DNAH9: variants seen among roughly 807,000 people sequenced by gnomAD.
The protein encoded by DNAH9 is DNAH9 variant protein.
DNAH9 carries 345 observed loss-of-function variants against 471.6 expected under a neutral mutation model. The ratio of observed to expected loss-of-function variants is 0.73; its 90% CI spans 0.67 to 0.80. The LOEUF is 0.80. Among genes scored for constraint, DNAH9 ranks in the 30% least tolerant of loss-of-function variants. DNAH9 has a pLI of 0.00. For synonymous variants in DNAH9, 2,093 were observed against 2,123.6 expected, an observed-to-expected ratio of 0.99 and a Z score of 0.40; for missense variants, 5,407 against 5,609.2, an observed-to-expected ratio of 0.96 and a Z score of 1.15.
chr17:11,943,400 C>T (rs946552341), intron 67 of DNAH9, among the ~76,000 whole-genome samples: 11 of 151,640 alleles, frequency 7.3e-5, no homozygotes, highest in African/African-American at 2.4e-4. Flanking sequence ...AGGTTAGGGC[C>T]GGGCGCGGTG....
intron 63 of DNAH9, among the ~76,000 whole-genome samples, chr17:11,931,129 A>G (rs894051505): frequency 6.6e-6 from 1 of 152,284 alleles, no homozygotes; most frequent in Admixed American, 6.5e-5. Context: ...TGGGCAGGAG[A>G]GTACCCAAAG....
chr17:11,826,455 G>A (rs1387162146), intron 48 of DNAH9, among the ~76,000 whole-genome samples: 3 of 78,970 alleles, frequency 3.8e-5, no homozygotes, highest in African/African-American at 5.1e-5. Context: ...CTTTTTCTTG[G>A]TTTTTTTTTT....
At chr17:11,933,417 G>A (rs1597843985) in intron 64 of DNAH9, among the ~76,000 whole-genome samples, 1 of 149,896 alleles carries the variant, frequency 6.7e-6, no homozygotes, top group South Asian at 2.1e-4. Flanking sequence ...TTTCGCTCTT[G>A]TTGCCCAGGC....
At chr17:11,809,778 TAA>T (rs1969822884) in intron 44 of DNAH9, among the ~76,000 whole-genome samples, 1 of 151,912 alleles carries the variant, frequency 6.6e-6, no homozygotes, top group Non-Finnish European at 1.5e-5. Flanking sequence ...TCCATATACG[TAA>T]GTAAGTCTTC....
rs528783444 is a variant in DNAH9 at position 11,721,182 on chromosome 17, A to G, written c.5709+1692A>G. Among the ~76,000 whole-genome samples, 10 of 152,336 alleles carry G rather than the reference A, an allele frequency of 6.6e-5. No individual in the cohort carries two copies. In the East Asian group the frequency reaches 1.5e-3, roughly 24 times the overall value. On this transcript the variant is annotated intron_variant, in intron 27 of 68. Coordinates refer to ENST00000262442, the MANE Select transcript of DNAH9 (RefSeq NM_001372.4). ...CACTATGGCCATTTTACTCAATTCT[A>G]TCAAAACCAATCACTGAACCCTAAC...
intron 38 of DNAH9, among the ~76,000 whole-genome samples, chr17:11,777,077 A>G (rs930155594): frequency 6.6e-6 from 1 of 152,174 alleles, no homozygotes; most frequent in African/African-American, 2.4e-5. Context: ...GTAGCCTGAT[A>G]TCTGTTTTAT....
intron 26 of DNAH9, among the ~76,000 whole-genome samples, chr17:11,712,004 G>A (rs369616179): frequency 0.12 from 55 of 462 alleles, 15 homozygotes; most frequent in Non-Finnish European, 0.53. Context: ...ATATATATTT[G>A]TATATATATT....
At chr17:11,813,246 AAAAG>A (rs903475323) in intron 45 of DNAH9, among the ~76,000 whole-genome samples, 8 of 152,290 alleles carry the variant, frequency 5.3e-5, no homozygotes, top group Admixed American at 4.6e-4. Context: ...AGGAAAAAAA[AAAAG>A]GTAAAATTTG....
chr17:11,931,138 A>C (rs1285900398), intron 63 of DNAH9, among the ~76,000 whole-genome samples: 1 of 152,204 alleles, frequency 6.6e-6, no homozygotes, highest in Non-Finnish European at 1.5e-5. Context: ...GAGTACCCAA[A>C]GGCCTGAATT....
At chr17:11,635,825 A>G (rs1212065726) in intron 8 of DNAH9, among the ~76,000 whole-genome samples, 1 of 152,182 alleles carries the variant, frequency 6.6e-6, no homozygotes, top group East Asian at 1.9e-4. Flanking sequence ...CTTCAGAGAA[A>G]GGTCAGCATC....
Position 11,690,420 on chromosome 17 carries a change from G to A in DNAH9, c.4598G>A (p.Arg1533Gln), listed in dbSNP as rs143638477. ...ESIFTGSEDIRAQLPQDSKRF... is the reference protein window; with the variant it reads ...ESIFTGSEDIQAQLPQDSKRF... ...ATATTCACTGGATCTGAAGATATTCGGGCACAGCTACCCCAGGTACCTGCT... is the reference window on the plus strand; with the variant it reads ...ATATTCACTGGATCTGAAGATATTCAGGCACAGCTACCCCAGGTACCTGCT... Residue 1533 changes from arginine to glutamine, a missense_variant, in exon 20 of 69, where the codon CGG (arginine) becomes CAG (glutamine). Around this residue, in one of 3 missense-constraint regions of DNAH9, gnomAD observed 4,636 missense variants for 4,900.3 expected, o/e 0.95. Coordinates refer to ENST00000262442, the MANE Select transcript of DNAH9 (RefSeq NM_001372.4). The A allele has an allele frequency of 8.1e-6, 13 of 1,613,272 alleles. No homozygotes were observed. Among genetic ancestry groups the A allele is most frequent in the African/African-American group, 1.3e-5 (1 of 74,862 alleles).
rs919792193 is a variant in DNAH9, at chr17:11,937,895, A to T, written c.12660+373A>T. 4.6e-5 allele frequency among the ~76,000 whole-genome samples: 7 copies of T among 152,218 alleles called. No individual in the cohort carries two copies. Among genetic ancestry groups the T allele is most frequent in the Admixed American group, 6.5e-5 (1 of 15,282 alleles). ...CCTGGCAAACCAAGCAAGGATGGGTAAGGGGTTGCCCCTGAGCACCCCCAC... is the reference window on the plus strand; with the variant it reads ...CCTGGCAAACCAAGCAAGGATGGGTTAGGGGTTGCCCCTGAGCACCCCCAC... On this transcript the variant is annotated intron_variant, in intron 66 of 68. Transcript: ENST00000262442. The surrounding 1 kb of genome is among the most constrained non-coding windows in gnomAD (Gnocchi z 4.1).
At chr17:11,965,334 T>C (rs1348682616) in intron 68 of DNAH9, among the ~76,000 whole-genome samples, 1 of 152,238 alleles carries the variant, frequency 6.6e-6, no homozygotes, top group Non-Finnish European at 1.5e-5. Flanking sequence ...GCCAAGACTT[T>C]GTGACTTATT....
At position 11,598,503 on chromosome 17, in the gene DNAH9, G is replaced by GGCTCGCGGAGGAGCGGGCCGC. The variant is rs1414498654; in HGVS notation, c.14_34dup (p.Glu5_Ala11dup). 5 of 1,357,402 alleles carry GGCTCGCGGAGGAGCGGGCCGC rather than the reference G, an allele frequency of 3.7e-6. No individual in the cohort carries two copies. The highest frequency in any genetic ancestry group is 4.7e-6 in the Non-Finnish European group (5 of 1,061,032). 84.1% of individuals were successfully genotyped at this position (1,357,402 alleles called of 1,614,324 possible). ...TGCAGCTGGAGGCCGCGCGCGATGC[G>GGCTCGCGGAGGAGCGGGCCGC]GCTCGCGGAGGAGCGGGCCGCGCTC... On this transcript the variant is annotated inframe_insertion, in exon 1 of 69. Coordinates refer to ENST00000262442, the MANE Select transcript of DNAH9 (RefSeq NM_001372.4).
At chr17:11,939,317 A>G (rs1330065647) in intron 66 of DNAH9, among the ~76,000 whole-genome samples, 1 of 152,204 alleles carries the variant, frequency 6.6e-6, no homozygotes, top group Non-Finnish European at 1.5e-5. Flanking sequence ...TATAAGTAAT[A>G]GACTTAGAAT....
intron 67 of DNAH9, among the ~76,000 whole-genome samples, chr17:11,946,581 G>A (rs1365239036): frequency 2.0e-5 from 3 of 147,894 alleles, no homozygotes; most frequent in African/African-American, 2.5e-5. Flanking sequence ...GGAGAATGGC[G>A]TGAACCCGGG....
At chr17:11,888,854 GA>G (rs1399761627) in intron 57 of DNAH9, among the ~76,000 whole-genome samples, 2 of 152,186 alleles carry the variant, frequency 1.3e-5, no homozygotes, top group Admixed American at 1.3e-4. Flanking sequence ...AGAGAAAGAA[GA>G]GGCATTCTCA....
chr17:11,835,548 A>C (rs1302961062), intron 49 of DNAH9, among the ~76,000 whole-genome samples: 6 of 152,116 alleles, frequency 3.9e-5, no homozygotes. Flanking sequence ...TTTCACAATT[A>C]ACTTTTTTTC....
At chr17:11,795,891 C>T (rs1204244518) in intron 42 of DNAH9, among the ~76,000 whole-genome samples, 2 of 152,182 alleles carry the variant, frequency 1.3e-5, no homozygotes, top group Non-Finnish European at 2.9e-5. Flanking sequence ...GCCTGAAGCA[C>T]CCTTGGTCAC....
Sources: allele counts gnomAD v4.1 joint callset (sites outside exome capture counted in the v4.1 genomes callset), GRCh38; gene constraint gnomAD v4.1.1; regional missense constraint gnomAD v4.1.1; non-coding constraint Gnocchi (gnomAD v3.1); transcripts MANE v1.5; gene names NCBI Gene and HGNC (gene_info 2026-07-23, HGNC 2026-07-21).